The following ENOX1 variants were observed in gnomAD, a reference collection of about 807,000 sequenced individuals.
ENOX1 encodes the protein ecto-NOX disulfide-thiol exchanger 1, also known as candidate growth-related and time keeping constitutive hydroquinone (NADH) oxidase.
A neutral mutation model predicts 82.5 loss-of-function variants in ENOX1; 42 were observed. The ratio of observed to expected loss-of-function variants is 0.51; its 90% CI spans 0.40 to 0.66. ENOX1 has a LOEUF of 0.66. Ranked by LOEUF, ENOX1 falls within the 30% of genes least tolerant of loss-of-function variation. The pLI is 0.00. For synonymous variants in ENOX1, 271 were observed against 282.2 expected, an observed-to-expected ratio of 0.96 and a Z score of 0.40; for missense variants, 608 against 811.6, an observed-to-expected ratio of 0.75 and a Z score of 3.05.
chr13:43,415,985 A>G (rs76356588), intron 3 of ENOX1, among the ~76,000 whole-genome samples: 321 of 13,494 alleles, frequency 0.024, no homozygotes, highest in Middle Eastern at 0.071. Context: ...CAGGGCGGCC[A>G]GGCAGAGGCG....
intron 3 of ENOX1, among the ~76,000 whole-genome samples, chr13:43,483,216 C>T (rs2058574370): frequency 6.6e-6 from 1 of 152,174 alleles, no homozygotes; most frequent in African/African-American, 2.4e-5. Context: ...AGTTTTCATC[C>T]ACTCAATGTA....
chr13:43,442,061 G>T (rs939365955), intron 3 of ENOX1, among the ~76,000 whole-genome samples: 7 of 152,052 alleles, frequency 4.6e-5, no homozygotes, highest in African/African-American at 1.7e-4. Flanking sequence ...AGGGAGAATT[G>T]AACAGACCAG....
chr13:43,420,962 T>C (rs2054938042), intron 3 of ENOX1, among the ~76,000 whole-genome samples: 1 of 152,174 alleles, frequency 6.6e-6, no homozygotes, highest in African/African-American at 2.4e-5. Flanking sequence ...TGGGAAATAA[T>C]AGGATTAAGG....
At chr13:43,406,311 C>A (rs2053790779) in intron 5 of ENOX1, among the ~76,000 whole-genome samples, 1 of 152,040 alleles carries the variant, frequency 6.6e-6, no homozygotes, top group African/African-American at 2.4e-5. Context: ...CTCAGAATGG[C>A]AGGAAACAGA....
intron 5 of ENOX1, among the ~76,000 whole-genome samples, chr13:43,398,503 A>G (rs1427754032): frequency 1.3e-5 from 2 of 152,134 alleles, no homozygotes; most frequent in African/African-American, 4.8e-5. Context: ...GAAACAGATG[A>G]CCTGCAGCAA....
At chr13:43,499,508 C>T (rs2076906095) in intron 2 of ENOX1, among the ~76,000 whole-genome samples, 1 of 152,058 alleles carries the variant, frequency 6.6e-6, no homozygotes, top group Non-Finnish European at 1.5e-5. Flanking sequence ...CACTTACTCA[C>T]AGACACTGAC....
At chr13:43,340,450 G>T (rs968769559) in intron 9 of ENOX1, among the ~76,000 whole-genome samples, 3 of 152,208 alleles carry the variant, frequency 2.0e-5, no homozygotes, top group African/African-American at 7.2e-5. Context: ...TCTGCCAACT[G>T]CTGAAATACT....
intron 5 of ENOX1, among the ~76,000 whole-genome samples, chr13:43,401,507 C>A (rs1162201752): frequency 1.3e-5 from 2 of 152,074 alleles, no homozygotes; most frequent in Non-Finnish European, 2.9e-5. Context: ...TCTGGGGAAA[C>A]CAATGCCCCT....
chr13:43,266,647 G>A (rs887348039), intron 13 of ENOX1, among the ~76,000 whole-genome samples: 3 of 152,140 alleles, frequency 2.0e-5, no homozygotes, highest in Admixed American at 6.5e-5. Context: ...GAGCATGGGC[G>A]ATGTATGGCA....
At chr13:43,302,467 C>G (rs56182243) in intron 11 of ENOX1, among the ~76,000 whole-genome samples, 1 of 151,856 alleles carries the variant, frequency 6.6e-6, no homozygotes. Context: ...TAGAAAAATT[C>G]TGAATACTGG....
At chr13:43,554,430 CA>C (rs1303780379) in intron 2 of ENOX1, among the ~76,000 whole-genome samples, 1 of 152,168 alleles carries the variant, frequency 6.6e-6, no homozygotes. Flanking sequence ...ATACAATTTA[CA>C]AAGTACTTGG....
At chr13:43,501,249 A>C (rs975235096) in intron 2 of ENOX1, among the ~76,000 whole-genome samples, 1 of 151,802 alleles carries the variant, frequency 6.6e-6, no homozygotes, top group Non-Finnish European at 1.5e-5. Flanking sequence ...TTTTAAGTCA[A>C]CTGTCACAAG....
intron 12 of ENOX1, among the ~76,000 whole-genome samples, chr13:43,297,604 T>C (rs571062818): frequency 1.5e-4 from 23 of 152,312 alleles, no homozygotes; most frequent in African/African-American, 4.8e-4. Context: ...TTTGACTCTA[T>C]TCCCTCACTG....
chr13:43,351,634 A>T (rs936399315), intron 8 of ENOX1, among the ~76,000 whole-genome samples: 8 of 132,190 alleles, frequency 6.1e-5, no homozygotes, highest in African/African-American at 8.6e-5. Flanking sequence ...TGTCCATGTG[A>T]TCTCATTGTT....
chr13:43,683,270 GC>G (rs1366656949), intron 1 of ENOX1, among the ~76,000 whole-genome samples: 1 of 152,148 alleles, frequency 6.6e-6, no homozygotes, highest in Non-Finnish European at 1.5e-5. Context: ...TTCCTCAATT[GC>G]CTTTCGATAT....
At position 43,558,911 on chromosome 13, in the gene ENOX1, C is replaced by T. The variant is rs529605309; in HGVS notation, c.-218-74759G>A. 2.0e-5 allele frequency among the ~76,000 whole-genome samples: 3 copies of T among 152,292 alleles called. No homozygotes were observed. In the East Asian group the frequency reaches 5.8e-4, roughly 29 times the overall value. On this transcript the variant is annotated intron_variant, in intron 2 of 16. Coordinates refer to ENST00000690772, the MANE Select transcript of ENOX1 (RefSeq NM_001347969.2). ...GTCACTGAATCCTCTACTTATATCC[C>T]CTGCCACACTTCATCCTGTTAATGA...
At chr13:43,379,722 G>A (rs2051896579) in intron 5 of ENOX1, among the ~76,000 whole-genome samples, 1 of 151,926 alleles carries the variant, frequency 6.6e-6, no homozygotes, top group Non-Finnish European at 1.5e-5. Context: ...TACTTGATGA[G>A]GGTGGGGCAA....
rs143211192 is a variant in ENOX1 at position 43,543,126 on chromosome 13, A to G, written c.-218-58974T>C. ...GAGAGGAGGGGAGTATGTATGTTACACATGGGGACATGGAATGGGGAAGGG... is the reference window on the plus strand; with the variant it reads ...GAGAGGAGGGGAGTATGTATGTTACGCATGGGGACATGGAATGGGGAAGGG... On this transcript the variant is annotated intron_variant, in intron 2 of 16. Transcript: ENST00000690772. Among the ~76,000 whole-genome samples, 649 of 152,230 alleles carry G rather than the reference A, an allele frequency of 4.3e-3. 3 individuals are homozygous for G. Among genetic ancestry groups the G allele is most frequent in the Non-Finnish European group, 5.2e-3 (351 of 68,012 alleles).
At position 43,213,466 on chromosome 13, in the gene ENOX1, A is replaced by C. The variant is rs573126102; in HGVS notation, c.*524T>G. On this transcript the variant is annotated 3_prime_UTR_variant, in exon 17 of 17. Coordinates refer to ENST00000690772, the MANE Select transcript of ENOX1 (RefSeq NM_001347969.2). ...TACAAAATACAATAACTGTTTAGAC[A>C]CATATTCAAGTTTTCTTTTGGTATG... 2.0e-5 allele frequency: 3 copies of C among 152,096 alleles called. No homozygotes were observed. Among genetic ancestry groups the C allele is most frequent in the Admixed American group, 1.3e-4 (2 of 15,294 alleles). The allele number at this position is 152,096 out of a possible 1,614,324, so 9.4% of individuals were successfully genotyped here. A position where few individuals can be genotyped will look rare whatever the true frequency, so the allele number is the denominator to read the frequency against.
Sources: allele counts gnomAD v4.1 joint callset (sites outside exome capture counted in the v4.1 genomes callset), GRCh38; gene constraint gnomAD v4.1.1; transcripts MANE v1.5; gene names NCBI Gene and HGNC (gene_info 2026-07-23, HGNC 2026-07-21).